The following SLC22A9 variants were observed in gnomAD, a reference collection of about 807,000 sequenced individuals.
The protein encoded by SLC22A9 is organic anion transporter 7.
In SLC22A9, 64 loss-of-function variants were observed where a neutral mutation model predicts 50.1. The observed-to-expected ratio is 1.28, with a 90% CI of 1.04 to 1.57. SLC22A9 has a LOEUF of 1.57. Ranked by LOEUF, SLC22A9 falls within the 40% of genes most tolerant of loss-of-function variation. The pLI, the probability that SLC22A9 is intolerant of heterozygous loss-of-function variation, is 0.00. For missense variants in SLC22A9, 757 were observed against 676.1 expected, an observed-to-expected ratio of 1.12 and a Z score of -1.33; for synonymous variants, 261 against 242.5, an observed-to-expected ratio of 1.08 and a Z score of -0.71.
intron 6 of SLC22A9, among the ~76,000 whole-genome samples, chr11:63,394,481 G>A (rs541111004): frequency 6.6e-6 from 1 of 152,170 alleles, no homozygotes; most frequent in South Asian, 2.1e-4. Context: ...CTTCATATGG[G>A]ATGTTTAGTT....
At chr11:63,370,506 G>C in intron 1 of SLC22A9, 48 bp downstream of exon 1, 1 of 1,511,498 alleles carries the variant, frequency 6.6e-7, no homozygotes, top group Non-Finnish European at 8.8e-7. Context: ...TGGGTGTTTA[G>C]AATAACACAA....
In SLC22A9 at chr11:63,371,338, G is replaced by A. The variant is rs1209089284; in HGVS notation, c.506+100G>A. 1.3e-5 allele frequency: 12 copies of A among 954,366 alleles called. No individual in the cohort carries two copies. The East Asian group carries it at 3.2e-4, about 25-fold the overall frequency. The allele number at this position is 954,366 out of a possible 1,614,324, so 59.1% of individuals were successfully genotyped here. A position where few individuals can be genotyped will look rare whatever the true frequency, so the allele number is the denominator to read the frequency against. ...TACTTACTGCAAATTACATTCTCCT[G>A]AGGCTGCCCTGATCCCCAAACAGAA... On this transcript the variant is annotated intron_variant, in intron 2 of 9. Transcript: ENST00000279178.
At position 63,408,211 on chromosome 11, in the gene SLC22A9, C is replaced by T; in HGVS notation, c.1388C>T (p.Thr463Ile). ...AFAHGNEVIP[T>I]IIRARAMGIN... ...GCCCATGGAAATGAAGTAATTCCCA[C>T]CATAATCAGGTACAGAACCTTAAGT... Residue 463 changes from threonine (T) to isoleucine (I), a missense_variant, in exon 8 of 10, where the codon ACC (threonine) becomes ATC (isoleucine). Coordinates refer to ENST00000279178, the MANE Select transcript of SLC22A9 (RefSeq NM_080866.3). The T allele has an allele frequency of 6.2e-7, 1 of 1,613,044 alleles. No homozygotes were observed.
intron 5 of SLC22A9, among the ~76,000 whole-genome samples, chr11:63,379,682 A>G (rs1252630158): frequency 1.3e-5 from 2 of 152,136 alleles, no homozygotes; most frequent in African/African-American, 4.8e-5. Context: ...AAAAGAACAG[A>G]CAGCCCATAA....
chr11:63,405,041 C>A (rs893536677), intron 6 of SLC22A9, among the ~76,000 whole-genome samples: 2 of 151,904 alleles, frequency 1.3e-5, no homozygotes, highest in Non-Finnish European at 2.9e-5. Context: ...GGCTGAGAAA[C>A]CAAAATCTCA....
At chr11:63,409,240 C>A (rs577348505) in intron 9 of SLC22A9, among the ~76,000 whole-genome samples, 1 of 152,190 alleles carries the variant, frequency 6.6e-6, no homozygotes, top group African/African-American at 2.4e-5. Context: ...CCCTGGGAAA[C>A]CCTCAAACAA....
At chr11:63,377,878 C>A (rs2014492074) in intron 5 of SLC22A9, among the ~76,000 whole-genome samples, 1 of 147,394 alleles carries the variant, frequency 6.8e-6, no homozygotes, top group Non-Finnish European at 1.5e-5. Flanking sequence ...TTACCACCAA[C>A]AACACAGAAA....
rs113130299 is a variant in SLC22A9, at chr11:63,370,852, G to A, written c.403-283G>A. On this transcript the variant is annotated intron_variant, in intron 1 of 9. Coordinates refer to ENST00000279178, the MANE Select transcript of SLC22A9 (RefSeq NM_080866.3). ...GAGAAGGTCTAAGAGGGAAATTTAGGTTTCTAAAAGTTTTTAAAGGTCTTC... is the reference window on the plus strand; with the variant it reads ...GAGAAGGTCTAAGAGGGAAATTTAGATTTCTAAAAGTTTTTAAAGGTCTTC... Among the ~76,000 whole-genome samples, 286 of 152,234 alleles carry A rather than the reference G, an allele frequency of 1.9e-3. 3 individuals carry two copies. Among genetic ancestry groups the A allele is most frequent in the African/African-American group, 5.9e-3 (247 of 41,548 alleles).
intron 6 of SLC22A9, among the ~76,000 whole-genome samples, chr11:63,397,698 A>T (rs923715876): frequency 6.6e-6 from 1 of 152,004 alleles, no homozygotes; most frequent in Non-Finnish European, 1.5e-5. Context: ...GTTTATTGCC[A>T]ATGTGCACTC....
chr11:63,399,179 A>G (rs11231450), intron 6 of SLC22A9, among the ~76,000 whole-genome samples: 9,280 of 152,230 alleles, frequency 0.061, 568 homozygotes, highest in African/African-American at 0.13. Context: ...CAAATAACAA[A>G]ACGGCAGTTA....
intron 6 of SLC22A9, among the ~76,000 whole-genome samples, chr11:63,392,507 T>A (rs542387812): frequency 6.6e-6 from 1 of 151,060 alleles, no homozygotes; most frequent in African/African-American, 2.4e-5. Flanking sequence ...GGATAAAAGG[T>A]TTTTTTTTCC....
intron 4 of SLC22A9, among the ~76,000 whole-genome samples, chr11:63,375,157 A>G (rs1169823102): frequency 2.6e-5 from 4 of 152,184 alleles, no homozygotes; most frequent in Non-Finnish European, 5.9e-5. Flanking sequence ...AGATGAGAAC[A>G]CTGAGGAATA....
chr11:63,375,526 TG>T, intron 4 of SLC22A9, 118 bp from the exon 5 acceptor site: 1 of 1,411,216 alleles, frequency 7.1e-7, no homozygotes, highest in South Asian at 1.4e-5. Context: ...TTACATTTCC[TG>T]GTAAAACCAA....
intron 6 of SLC22A9, among the ~76,000 whole-genome samples, chr11:63,386,509 T>C (rs550189976): frequency 6.8e-6 from 1 of 147,498 alleles, no homozygotes; most frequent in Admixed American, 6.8e-5. Context: ...TTAGAACGTA[T>C]TGGTCTATTC....
chr11:63,394,655 G>A (rs2014820258), intron 6 of SLC22A9, among the ~76,000 whole-genome samples: 1 of 152,126 alleles, frequency 6.6e-6, no homozygotes, highest in African/African-American at 2.4e-5. Flanking sequence ...CAGCGCTTAA[G>A]CTTCTTTCCT....
At chr11:63,379,835 G>A (rs1309455776) in intron 5 of SLC22A9, among the ~76,000 whole-genome samples, 2 of 152,118 alleles carry the variant, frequency 1.3e-5, no homozygotes, top group East Asian at 1.9e-4. Flanking sequence ...GGGTTCAAGC[G>A]ATTCTCCTGC....
At position 63,382,260 on chromosome 11, in the gene SLC22A9, C is replaced by T. The variant is rs745794921; in HGVS notation, c.1056C>T (p.Ser352=). The stretch of plus-strand genomic sequence containing the variant: ...TGCCCAACATATGTAAAAGGATCTC[C>T]CTCCTGTCCTTTACGAGGTAAGCTT... ...LHMPNICKRI[S]LLSFTRFANF... is the part of the protein sequence containing the mutation. Residue 352 remains serine, a synonymous_variant, in exon 6 of 10, where the codon TCC becomes TCT. Coordinates refer to ENST00000279178, the MANE Select transcript of SLC22A9 (RefSeq NM_080866.3). The T allele has an allele frequency of 6.2e-7, 1 of 1,606,978 alleles. No homozygotes were observed. Among genetic ancestry groups the T allele is most frequent in the South Asian group, 1.1e-5 (1 of 89,058 alleles).
chr11:63,408,977 G>A, intron 9 of SLC22A9, 98 bp downstream of exon 9: 1 of 1,310,518 alleles, frequency 7.6e-7, no homozygotes, highest in Admixed American at 1.7e-5. Flanking sequence ...CCTCTCAAAA[G>A]GCTTAGACTT....
At chr11:63,401,113 C>T (rs968190689) in intron 6 of SLC22A9, among the ~76,000 whole-genome samples, 1 of 152,034 alleles carries the variant, frequency 6.6e-6, no homozygotes, top group Non-Finnish European at 1.5e-5. Context: ...TGCCCACTTT[C>T]ACCACTTTTA....
Sources: gnomAD v4.1 joint callset for allele counts (sites outside exome capture counted in the v4.1 genomes callset) on GRCh38, gnomAD v4.1.1 for gene constraint, MANE v1.5 for transcripts, NCBI Gene and HGNC (gene_info 2026-07-23, HGNC 2026-07-21) for gene names.